Variants in EZH1 observed in about 807,000 individuals in gnomAD.
EZH1 encodes the protein histone-lysine N-methyltransferase EZH1.
In EZH1, 33 loss-of-function variants were observed where a neutral mutation model predicts 100.5. The ratio of observed to expected loss-of-function variants is 0.33; its 90% CI spans 0.25 to 0.44. EZH1 has a LOEUF of 0.44. EZH1 is among the 20% of genes least tolerant of loss of function. The probability of loss-of-function intolerance (pLI) is 1.00; values close to 1 mark genes in which losing one functional copy is unlikely to be tolerated. For synonymous variants in EZH1, 272 were observed against 313.8 expected (o/e 0.87, Z 1.41); for missense variants, 475 against 928.4 (o/e 0.51, Z 6.35).
rs367560202 is a variant in EZH1, at chr17:42,724,301, A to G, written c.366+4T>C. 173 of 1,613,572 alleles carry G rather than the reference A, an allele frequency of 1.1e-4. No individual in the cohort carries two copies. The highest frequency in any genetic ancestry group is 1.4e-4 in the Non-Finnish European group (170 of 1,179,712). ...ATAACCACCACAGTGCTTTCAATAC[A>G]TACCATAAAGTTCTGTTGGAGAGGG... On this transcript the variant is annotated splice_donor_region_variant and intron_variant, in intron 5 of 20. Coordinates refer to ENST00000428826, the MANE Select transcript of EZH1 (RefSeq NM_001991.5).
rs945009267 is a variant in EZH1 at position 42,720,180 on chromosome 17, A to G, written c.664+93T>C. 1.1e-5 allele frequency: 15 copies of G among 1,348,936 alleles called. 1 individual carries two copies. In the Admixed American group the frequency reaches 2.4e-4, roughly 22 times the overall value. The allele number at this position is 1,348,936 out of a possible 1,614,324, so 83.6% of individuals were successfully genotyped here. ...TTAAGTGAACCAACAAGAAGCACCAACAGCCTTTAATAGGCAACAAATCTT... is the reference window on the plus strand; with the variant it reads ...TTAAGTGAACCAACAAGAAGCACCAGCAGCCTTTAATAGGCAACAAATCTT... On this transcript the variant is annotated intron_variant, in intron 7 of 20. Coordinates refer to ENST00000428826, the MANE Select transcript of EZH1 (RefSeq NM_001991.5).
chr17:42,705,193 A>T lies in EZH1; in HGVS notation c.1840-10T>A. The T allele has an allele frequency of 6.3e-7, 1 of 1,585,102 alleles. No homozygotes were observed. On this transcript the variant is annotated splice_polypyrimidine_tract_variant and intron_variant, in intron 16 of 20. Coordinates refer to ENST00000428826, the MANE Select transcript of EZH1 (RefSeq NM_001991.5). ...GGGCCAGCAGCAGGTGCTGGGGAAGAGGGGGCCAAGTCTCAGACTACAGGG... is the reference window on the plus strand; with the variant it reads ...GGGCCAGCAGCAGGTGCTGGGGAAGTGGGGGCCAAGTCTCAGACTACAGGG...
rs530196145 is a variant in EZH1, at chr17:42,727,657, C to G, written c.224G>C (p.Ser75Thr). The G allele has an allele frequency of 3.1e-6, 5 of 1,613,252 alleles. No homozygotes were observed. In the South Asian group the frequency reaches 4.4e-5, roughly 14 times the overall value. ...TACCTTTTTGAGAAAAGGGTGTCCACTCACAGGCTTCATTGACTGAACAGG... is the reference window on the plus strand; with the variant it reads ...TACCTTTTTGAGAAAAGGGTGTCCAGTCACAGGCTTCATTGACTGAACAGG... ...VQPVQSMKPV[S>T]GHPFLKKCTI... is the part of the protein sequence containing the mutation. The change falls in exon 4 of 21, where the codon AGT becomes ACT. Residue 75 changes from serine (S) to threonine (T), a missense_variant. Around this residue, in one of 8 missense-constraint regions of EZH1, gnomAD observed 105 missense variants for 129.8 expected, o/e 0.81. Transcript: ENST00000428826.
intron 1 of EZH1, among the ~76,000 whole-genome samples, chr17:42,732,637 G>A (rs1467423154): frequency 2.0e-5 from 3 of 152,044 alleles, no homozygotes. Flanking sequence ...GCGAGGTGGC[G>A]GGCGCCTGTA....
chr17:42,709,210 T>C (rs1464536877), intron 13 of EZH1: 6 of 396,880 alleles, frequency 1.5e-5, no homozygotes, highest in Admixed American at 3.7e-5. Flanking sequence ...ATTATAAAGC[T>C]ATTGTTTCTC....
chr17:42,724,777 A>C (rs1381266162), intron 4 of EZH1, among the ~76,000 whole-genome samples: 2 of 148,832 alleles, frequency 1.3e-5, no homozygotes, highest in East Asian at 3.9e-4. Flanking sequence ...CTGTCTCAAG[A>C]AAAAAAAGAA....
At chr17:42,708,168 G>T in intron 14 of EZH1, 85 bp from the exon 15 acceptor site, 1 of 1,472,554 alleles carries the variant, frequency 6.8e-7, no homozygotes. Context: ...CCCTGATTCA[G>T]AGGAGGCTGG....
intron 1 of EZH1, among the ~76,000 whole-genome samples, chr17:42,743,635 A>AT (rs199593837): frequency 0.011 from 1,633 of 143,442 alleles, 21 homozygotes; most frequent in African/African-American, 0.036. Context: ...ACATCTGGCT[A>AT]TTTTTTTTTT....
intron 14 of EZH1, among the ~76,000 whole-genome samples, 157 bp downstream of exon 14, chr17:42,708,718 TG>T (rs2053412758): frequency 6.6e-6 from 1 of 152,168 alleles, no homozygotes; most frequent in Non-Finnish European, 1.5e-5. Context: ...TCTTCTCAGT[TG>T]CAGTGAGAGG....
chr17:42,720,217 C>T, intron 7 of EZH1, 56 bp downstream of exon 7: 1 of 1,542,164 alleles, frequency 6.5e-7, no homozygotes, highest in South Asian at 1.3e-5. Context: ...CCAGTTCTTC[C>T]TTCTTCCCTA....
At chr17:42,708,709 C>CT (rs569557063) in intron 14 of EZH1, among the ~76,000 whole-genome samples, 167 bp downstream of exon 14, 46 of 152,304 alleles carry the variant, frequency 3.0e-4, no homozygotes, top group Non-Finnish European at 5.9e-4. Flanking sequence ...CCTAAGAGGT[C>CT]TTCTCAGTTG....
chr17:42,706,423 G>A lies in EZH1; in HGVS notation c.1661-238C>T, dbSNP rs916875927. ...GGTGTGGTCAAGCATGGTGGCTCAT[G>A]CCTGTAATCCTAGCACTTTGGGAGG... On this transcript the variant is annotated intron_variant, in intron 15 of 20. Transcript: ENST00000428826. The surrounding 1 kb of genome is among the most constrained non-coding windows in gnomAD (Gnocchi z 4.4). 6.6e-6 allele frequency among the ~76,000 whole-genome samples: 1 copy of A among 152,126 alleles called. No homozygotes were observed. Among genetic ancestry groups the A allele is most frequent in the Admixed American group, 6.6e-5 (1 of 15,258 alleles).
In EZH1 at chr17:42,708,261, G is replaced by C. The variant is rs2053402084; in HGVS notation, c.1535-178C>G. ...CGTTGTTCATAAGCTGCAGTGGGGT[G>C]ATCTGCTTTGTGGGGAGGGTGTGGA... On this transcript the variant is annotated intron_variant, in intron 14 of 20. Coordinates refer to ENST00000428826, the MANE Select transcript of EZH1 (RefSeq NM_001991.5). The C allele has an allele frequency of 6.3e-6, 4 of 639,206 alleles. No homozygotes were observed. In the Admixed American group the frequency reaches 1.3e-4, roughly 21 times the overall value. The allele number at this position is 639,206 out of a possible 1,614,324, so 39.6% of individuals were successfully genotyped here.
rs965076488 is a variant in EZH1 at position 42,702,479 on chromosome 17, C to T, written c.*53G>A. On this transcript the variant is annotated 3_prime_UTR_variant, in exon 21 of 21. Coordinates refer to ENST00000428826, the MANE Select transcript of EZH1 (RefSeq NM_001991.5). ...GACTCGAGCAGCAGTGGTGTGAGCA[C>T]GAAAGCCAAGACAGTGCCGCTACCA... 8.5e-5 allele frequency: 124 copies of T among 1,466,878 alleles called. No individual in the cohort carries two copies. The highest frequency in any genetic ancestry group is 1.2e-4 in the East Asian group (5 of 40,260). 90.9% of individuals were successfully genotyped at this position (1,466,878 alleles called of 1,614,324 possible). A position where few individuals can be genotyped will look rare whatever the true frequency, so the allele number is the denominator to read the frequency against.
chr17:42,706,510 T>G lies in EZH1; in HGVS notation c.1661-325A>C, dbSNP rs150081754. Among the ~76,000 whole-genome samples the G allele has an allele frequency of 1.1e-3, 169 of 151,084 alleles. No homozygotes were observed. The highest frequency in any genetic ancestry group is 4.0e-3 in the African/African-American group (166 of 41,098). ...AACCAGGCTGGGCAACATAGGGAGA[T>G]CCTGTCTCCACAAAAAAATTAAAAA... On this transcript the variant is annotated intron_variant, in intron 15 of 20. Transcript: ENST00000428826. The surrounding 1 kb of genome is among the most constrained non-coding windows in gnomAD (Gnocchi z 4.4).
rs749378497 is a variant in EZH1 at position 42,728,967 on chromosome 17, G to A, written c.-11-15C>T. 1 of 1,570,656 alleles carries A rather than the reference G, an allele frequency of 6.4e-7. No individual in the cohort carries two copies. Among genetic ancestry groups the A allele is most frequent in the South Asian group, 1.2e-5 (1 of 85,208 alleles). On this transcript the variant is annotated splice_polypyrimidine_tract_variant and intron_variant, in intron 2 of 20. Coordinates refer to ENST00000428826, the MANE Select transcript of EZH1 (RefSeq NM_001991.5). ...CTTGCTGTAATCTAAGAGAGACAGA[G>A]ATGAGAAATAGCATTTTATTGCCTG...
chr17:42,733,471 C>A (rs531816747), intron 1 of EZH1, among the ~76,000 whole-genome samples: 2 of 151,658 alleles, frequency 1.3e-5, no homozygotes, highest in African/African-American at 4.8e-5. Flanking sequence ...GAAACCCCGT[C>A]TCTTCTAAAA....
rs2053351686 is a variant in EZH1, at chr17:42,706,255, G to A, written c.1661-70C>T. 1 of 1,364,030 alleles carries A rather than the reference G, an allele frequency of 7.3e-7. No homozygotes were observed. Among genetic ancestry groups the A allele is most frequent in the South Asian group, 1.9e-5 (1 of 53,534 alleles). 84.5% of individuals were successfully genotyped at this position (1,364,030 alleles called of 1,614,324 possible). ...TACTGGGGCTTGTGGTTGACTCAAG[G>A]GACAGCAAAGAAGTAAATTTTTTGT... is the stretch of plus-strand genomic sequence containing the variant. On this transcript the variant is annotated intron_variant, in intron 15 of 20. Coordinates refer to ENST00000428826, the MANE Select transcript of EZH1 (RefSeq NM_001991.5). The surrounding 1 kb of genome is among the most constrained non-coding windows in gnomAD (Gnocchi z 4.4).
intron 1 of EZH1, among the ~76,000 whole-genome samples, chr17:42,738,991 C>T (rs2054124228): frequency 6.9e-6 from 1 of 145,696 alleles, no homozygotes; most frequent in Non-Finnish European, 1.5e-5. Context: ...CTCCTGACCT[C>T]GTGATCCACC....
Sources: gnomAD v4.1 joint callset for allele counts (sites outside exome capture counted in the v4.1 genomes callset) on GRCh38, gnomAD v4.1.1 for gene constraint, gnomAD v4.1.1 regional missense constraint, Gnocchi (gnomAD v3.1) non-coding constraint, MANE v1.5 for transcripts, NCBI Gene and HGNC (gene_info 2026-07-23, HGNC 2026-07-21) for gene names.